Variants in DIP2A observed in about 807,000 individuals in gnomAD.
DIP2A encodes DIP2 acetate--CoA ligase A.
DIP2A carries 85 observed loss-of-function variants against 177.4 expected under a neutral mutation model. That is an observed-to-expected ratio of 0.48 (90% CI 0.40 to 0.57). DIP2A has a LOEUF of 0.57. Ranked by LOEUF, DIP2A falls within the 20% of genes least tolerant of loss-of-function variation. The probability of loss-of-function intolerance (pLI) is 0.00; values close to 1 mark genes in which losing one functional copy is unlikely to be tolerated. For missense variants in DIP2A, 1,791 were observed against 2,100.2 expected (o/e 0.85, Z 2.88); for synonymous variants, 886 against 881.8 (o/e 1.00, Z -0.08).
At chr21:46,483,361 A>C (rs1374038249) in intron 1 of DIP2A, among the ~76,000 whole-genome samples, 1 of 149,782 alleles carries the variant, frequency 6.7e-6, no homozygotes, top group African/African-American at 2.5e-5. Flanking sequence ...AAGTCTGAAG[A>C]GATGGAACAC....
chr21:46,501,642 T>TGAACTCCTGGGCTC (rs541955195), intron 5 of DIP2A, among the ~76,000 whole-genome samples: 2,872 of 152,258 alleles, frequency 0.019, 48 homozygotes, highest in Middle Eastern at 0.031. Context: ...AGACTGGGCT[T>TGAACTCCTGGGCTC]GAACTCCTGG....
intron 1 of DIP2A, among the ~76,000 whole-genome samples, chr21:46,481,830 C>T (rs908945830): frequency 6.6e-6 from 1 of 152,176 alleles, no homozygotes; most frequent in Admixed American, 6.5e-5. Flanking sequence ...ACGGGTGGAT[C>T]ACTTGAGGTC....
chr21:46,465,815 A>T (rs577784987), intron 1 of DIP2A, among the ~76,000 whole-genome samples: 18 of 152,338 alleles, frequency 1.2e-4, no homozygotes, highest in Non-Finnish European at 2.1e-4. Context: ...CTTTTGCTGC[A>T]CAAAGAGGTA....
intron 23 of DIP2A, among the ~76,000 whole-genome samples, chr21:46,550,969 C>T (rs2060251373): frequency 6.6e-6 from 1 of 152,224 alleles, no homozygotes; most frequent in South Asian, 2.1e-4. Context: ...ATGGTGGTTT[C>T]CACCTGCCTG....
chr21:46,484,963 A>T, intron 2 of DIP2A, 135 bp downstream of exon 2: 1 of 778,746 alleles, frequency 1.3e-6, no homozygotes, highest in Non-Finnish European at 1.9e-6. Flanking sequence ...TTGATTATTG[A>T]TTGAGACAGG....
chr21:46,530,347 A>G (rs141376432), intron 9 of DIP2A, among the ~76,000 whole-genome samples: 1 of 152,328 alleles, frequency 6.6e-6, no homozygotes, highest in African/African-American at 2.4e-5. Context: ...AAGGACTTTT[A>G]AGAAGGAAAT....
intron 32 of DIP2A, among the ~76,000 whole-genome samples, chr21:46,559,559 T>G (rs1172871109): frequency 2.6e-5 from 4 of 152,230 alleles, no homozygotes; most frequent in Non-Finnish European, 5.9e-5. Flanking sequence ...GCTCGCTTCC[T>G]GTGTAGGCTG....
chr21:46,538,450 C>T lies in DIP2A; in HGVS notation c.1802-33C>T, dbSNP rs767442392. The stretch of plus-strand genomic sequence containing the variant: ...CGTGTGAGGGTGCCAGTCCTTGTGA[C>T]GCAGGGATGTCTGTGCCATCCTCTC... On this transcript the variant is annotated intron_variant, in intron 15 of 37. Coordinates refer to ENST00000417564, the MANE Select transcript of DIP2A (RefSeq NM_015151.4). The T allele has an allele frequency of 5.9e-5, 90 of 1,537,382 alleles. 1 individual carries two copies. The highest frequency in any genetic ancestry group is 1.7e-4 in the East Asian group (7 of 40,836).
intron 11 of DIP2A, 79 bp from the exon 12 acceptor site, chr21:46,533,925 G>C: frequency 8.1e-7 from 1 of 1,231,740 alleles, no homozygotes; most frequent in South Asian, 1.3e-5. Context: ...AGTGCTGCAT[G>C]TTGGAGGCGC....
At position 46,552,057 on chromosome 21, in the gene DIP2A, C is replaced by T. The variant is rs114053775; in HGVS notation, c.3030+153C>T. On this transcript the variant is annotated intron_variant, in intron 25 of 37. Coordinates refer to ENST00000417564, the MANE Select transcript of DIP2A (RefSeq NM_015151.4). The stretch of plus-strand genomic sequence containing the variant: ...AGCCCCCGTCCTGGTTGTTCTCATG[C>T]GTAGAGAGCAGGGTGCCTGTGGACT... Among the ~76,000 whole-genome samples the T allele has an allele frequency of 2.0e-3, 299 of 152,020 alleles. 1 individual carries two copies. The highest frequency in any genetic ancestry group is 6.8e-3 in the African/African-American group (283 of 41,456).
chr21:46,504,256 T>C (rs1445434456), intron 5 of DIP2A, 105 bp from the exon 6 acceptor site: 1 of 1,456,198 alleles, frequency 6.9e-7, no homozygotes, highest in African/African-American at 1.4e-5. Context: ...TCTCCCCACT[T>C]AGAACTCAGC....
At chr21:46,561,505 T>C (rs2060660864) in intron 33 of DIP2A, 2 of 588,612 alleles carry the variant, frequency 3.4e-6, no homozygotes, top group Admixed American at 5.3e-5. Flanking sequence ...CTAAACGAAA[T>C]GTAGAGTGAG....
chr21:46,554,029 G>C, intron 25 of DIP2A, 140 bp from the exon 26 acceptor site: 3 of 1,195,416 alleles, frequency 2.5e-6, no homozygotes, highest in Non-Finnish European at 3.4e-6. Context: ...CGTACGTCTA[G>C]GACTGACACA....
intron 3 of DIP2A, among the ~76,000 whole-genome samples, chr21:46,495,178 T>TC (rs2057241497): frequency 2.9e-5 from 4 of 137,624 alleles, no homozygotes; most frequent in Non-Finnish European, 6.2e-5. Flanking sequence ...CTCTTTCGCT[T>TC]TTTCTCTTCT....
At chr21:46,538,245 G>A (rs2059655381) in intron 15 of DIP2A, among the ~76,000 whole-genome samples, 1 of 152,160 alleles carries the variant, frequency 6.6e-6, no homozygotes, top group South Asian at 2.1e-4. Context: ...TGTTGGAAAT[G>A]GATCTGAGGT....
chr21:46,527,325 G>GGT (rs374661752), intron 8 of DIP2A, among the ~76,000 whole-genome samples: 8 of 105,586 alleles, frequency 7.6e-5, no homozygotes, highest in African/African-American at 1.1e-4. Flanking sequence ...TTGAGTTGAG[G>GGT]TTTTTTTTTT....
chr21:46,531,379 A>G (rs978662624), intron 9 of DIP2A, among the ~76,000 whole-genome samples: 8 of 152,238 alleles, frequency 5.3e-5, no homozygotes, highest in African/African-American at 1.9e-4. Flanking sequence ...AAAGCAACGC[A>G]AGTAGAAATG....
intron 35 of DIP2A, among the ~76,000 whole-genome samples, chr21:46,565,229 A>G (rs80231709): frequency 0.13 from 19,854 of 152,266 alleles, 1,820 homozygotes; most frequent in African/African-American, 0.26. Context: ...GAACACGGAT[A>G]GCGGACGCAC....
intron 9 of DIP2A, among the ~76,000 whole-genome samples, chr21:46,531,513 G>A (rs1453729516): frequency 2.6e-5 from 4 of 152,214 alleles, no homozygotes. Context: ...GCTTTAGAAT[G>A]AATTCAAGAA....
Sources: allele counts gnomAD v4.1 joint callset (sites outside exome capture counted in the v4.1 genomes callset), GRCh38; gene constraint gnomAD v4.1.1; transcripts MANE v1.5; gene names NCBI Gene and HGNC (gene_info 2026-07-23, HGNC 2026-07-21).